MAP3K20: variants seen among roughly 807,000 people sequenced by gnomAD.
MAP3K20 encodes the protein mitogen-activated protein kinase kinase kinase 20.
In MAP3K20, 40 loss-of-function variants were observed where a neutral mutation model predicts 85.7. That is an observed-to-expected ratio of 0.47 (90% CI 0.36 to 0.61). The LOEUF is 0.61. Among genes scored for constraint, MAP3K20 ranks in the 20% least tolerant of loss-of-function variants. The pLI, the probability that MAP3K20 is intolerant of heterozygous loss-of-function variation, is 0.00. For missense variants in MAP3K20, 817 were observed against 961.7 expected (o/e 0.85, Z 1.99); for synonymous variants, 325 against 327.7 (o/e 0.99, Z 0.09).
At chr2:173,214,096 A>G (rs1275348832) in intron 10 of MAP3K20, among the ~76,000 whole-genome samples, 1 of 152,256 alleles carries the variant, frequency 6.6e-6, no homozygotes, top group Non-Finnish European at 1.5e-5. Context: ...CATACAGACC[A>G]GATGCAACTT....
rs374335619 is a variant in MAP3K20, at chr2:173,179,704, G to GCGCA, written c.248-3149_248-3148insGCAC. Among the ~76,000 whole-genome samples the GCGCA allele has an allele frequency of 1.2e-3, 175 of 146,176 alleles. 2 individuals carry two copies. In the East Asian group the frequency reaches 0.02, roughly 17 times the overall value. The stretch of plus-strand genomic sequence containing the variant: ...ATAGGTAGAAAATCCTAAGGAATGC[G>GCGCA]CACACACACACACACACACACACAC... On this transcript the variant is annotated intron_variant, in intron 3 of 19. Transcript: ENST00000375213.
intron 13 of MAP3K20, 47 bp from the exon 14 acceptor site, chr2:173,232,273 A>T: frequency 6.2e-7 from 1 of 1,613,958 alleles, no homozygotes; most frequent in Non-Finnish European, 8.5e-7. Flanking sequence ...TTTGTTTTGG[A>T]TGTGATTTCA....
chr2:173,228,771 C>T (rs1316043284), intron 11 of MAP3K20, among the ~76,000 whole-genome samples: 1 of 151,814 alleles, frequency 6.6e-6, no homozygotes, highest in Non-Finnish European at 1.5e-5. Context: ...GTTAACTCAC[C>T]TACCCTATGA....
chr2:173,099,340 T>G (rs576668985), intron 2 of MAP3K20, among the ~76,000 whole-genome samples: 10 of 151,174 alleles, frequency 6.6e-5, no homozygotes, highest in East Asian at 3.9e-4. Context: ...GTTTTGTTTT[T>G]TTTTTTTGAG....
intron 7 of MAP3K20, among the ~76,000 whole-genome samples, chr2:173,197,156 G>T (rs112670657): frequency 3.3e-5 from 5 of 152,202 alleles, no homozygotes; most frequent in African/African-American, 1.2e-4. Flanking sequence ...CAGAGTATTG[G>T]TAGACTCACA....
At chr2:173,257,222 A>AAT (rs1685181973) in intron 16 of MAP3K20, among the ~76,000 whole-genome samples, 1 of 152,082 alleles carries the variant, frequency 6.6e-6, no homozygotes. Flanking sequence ...ACACAGATTT[A>AAT]ATATATATAT....
At chr2:173,170,082 C>T (rs1038192195) in intron 3 of MAP3K20, among the ~76,000 whole-genome samples, 190 bp downstream of exon 3, 3 of 152,052 alleles carry the variant, frequency 2.0e-5, no homozygotes, top group African/African-American at 7.3e-5. Flanking sequence ...CCACTTCTAC[C>T]CATGTTTAAT....
chr2:173,086,289 CT>C (rs987079773), intron 1 of MAP3K20, among the ~76,000 whole-genome samples: 2 of 152,080 alleles, frequency 1.3e-5, no homozygotes, highest in Non-Finnish European at 2.9e-5. Flanking sequence ...ATAACTAGCA[CT>C]CAGATTTTTC....
rs188757375 is a variant in MAP3K20, at chr2:173,078,371, A to G, written c.-35+2369A>G. On this transcript the variant is annotated intron_variant, in intron 1 of 19. Coordinates refer to ENST00000375213, the MANE Select transcript of MAP3K20 (RefSeq NM_016653.3). ...GATTGACAGGGTGAGTATCTTGTCT[A>G]TCTAAATGTAGTAGGAACAGTTAAG... 2.4e-4 allele frequency among the ~76,000 whole-genome samples: 37 copies of G among 152,290 alleles called. No individual in the cohort carries two copies. The East Asian group carries it at 6.4e-3, about 26-fold the overall frequency.
At chr2:173,202,105 C>T (rs1186576155) in intron 8 of MAP3K20, among the ~76,000 whole-genome samples, 1 of 152,094 alleles carries the variant, frequency 6.6e-6, no homozygotes, top group African/African-American at 2.4e-5. Flanking sequence ...TATTAATTCC[C>T]AGCCCCCAAC....
chr2:173,112,782 ATTATCT>A (rs1688012215), intron 2 of MAP3K20, among the ~76,000 whole-genome samples: 1 of 151,782 alleles, frequency 6.6e-6, no homozygotes, highest in Non-Finnish European at 1.5e-5. Flanking sequence ...ATCATGGTAG[ATTATCT>A]TTTTGATATG....
chr2:173,178,110 A>T (rs959729118), intron 3 of MAP3K20, among the ~76,000 whole-genome samples: 7 of 152,212 alleles, frequency 4.6e-5, no homozygotes, highest in Non-Finnish European at 8.8e-5. Flanking sequence ...CTTTGAAAAG[A>T]TTAATAAATT....
At chr2:173,220,484 G>T (rs1684213005) in intron 11 of MAP3K20, among the ~76,000 whole-genome samples, 1 of 152,100 alleles carries the variant, frequency 6.6e-6, no homozygotes. Flanking sequence ...ACTTAAATGT[G>T]AGACAGAATC....
chr2:173,217,706 C>CTCA (rs1474230651), intron 11 of MAP3K20, among the ~76,000 whole-genome samples: 2 of 152,114 alleles, frequency 1.3e-5, no homozygotes, highest in Non-Finnish European at 2.9e-5. Flanking sequence ...TGGAGCTAAC[C>CTCA]ATGATGACAT....
intron 14 of MAP3K20, among the ~76,000 whole-genome samples, chr2:173,237,767 T>G (rs1684688926): frequency 6.6e-6 from 1 of 152,238 alleles, no homozygotes; most frequent in Non-Finnish European, 1.5e-5. Context: ...TCACTGTTAT[T>G]CAGAGTGGCA....
At chr2:173,242,663 C>T (rs1051755216) in intron 16 of MAP3K20, among the ~76,000 whole-genome samples, 18 of 145,744 alleles carry the variant, frequency 1.2e-4, no homozygotes, top group African/African-American at 4.1e-4. Flanking sequence ...TTTTGATCCT[C>T]TGCTGTTCCT....
chr2:173,092,957 A>G (rs1687343674), intron 2 of MAP3K20, among the ~76,000 whole-genome samples: 1 of 152,228 alleles, frequency 6.6e-6, no homozygotes, highest in Non-Finnish European at 1.5e-5. Flanking sequence ...AGTTGATTCC[A>G]GTAAACTGTA....
rs1553470344 is a variant in MAP3K20, at chr2:173,266,797, A to AAAG, written c.*49_*50insGAA. 6.6e-5 allele frequency: 89 copies of AAAG among 1,353,950 alleles called. No homozygotes were observed. The highest frequency in any genetic ancestry group is 8.2e-5 in the Non-Finnish European group (85 of 1,032,888). The allele number at this position is 1,353,950 out of a possible 1,614,324, so 83.9% of individuals were successfully genotyped here. Reference sequence around the variant, plus strand: ...TCTAAGCAGGTTAAAAAAAAAAAAAAAAAGAAATGTAATGGTTTTTGATAA... The same window carrying AAAG: ...TCTAAGCAGGTTAAAAAAAAAAAAAAAAGAAAGAAATGTAATGGTTTTTGATAA... On this transcript the variant is annotated 3_prime_UTR_variant, in exon 20 of 20. Transcript: ENST00000375213.
chr2:173,127,916 G>A (rs548112478), intron 2 of MAP3K20, among the ~76,000 whole-genome samples: 60 of 152,304 alleles, frequency 3.9e-4, no homozygotes, highest in African/African-American at 9.9e-4. Flanking sequence ...CAGGTGAAGA[G>A]ATGGAGAGAA....
Sources: allele counts gnomAD v4.1 joint callset (sites outside exome capture counted in the v4.1 genomes callset), GRCh38; gene constraint gnomAD v4.1.1; transcripts MANE v1.5; gene names NCBI Gene and HGNC (gene_info 2026-07-23, HGNC 2026-07-21).